The following ARHGAP29 variants were observed in gnomAD, a reference collection of about 807,000 sequenced individuals.
ARHGAP29 encodes rho GTPase-activating protein 29.
In ARHGAP29, 43 loss-of-function variants were observed where a neutral mutation model predicts 122.6. The ratio of observed to expected loss-of-function variants is 0.35; its 90% CI spans 0.27 to 0.45. The LOEUF (loss-of-function observed/expected upper bound fraction) is 0.45, where lower values mean the gene tolerates loss of function less well. ARHGAP29 is among the 20% of genes least tolerant of loss of function. The pLI, the probability that ARHGAP29 is intolerant of heterozygous loss-of-function variation, is 1.00. For missense variants in ARHGAP29, 1,303 were observed against 1,477.2 expected (o/e 0.88, Z 1.93); for synonymous variants, 506 against 497.1 (o/e 1.02, Z -0.24).
At chr1:94,308,337 G>T in the ARHGAP29 span, among the ~76,000 whole-genome samples, 1 of 152,136 alleles carries the variant, frequency 6.6e-6, no homozygotes, top group Non-Finnish European at 1.5e-5. Flanking sequence ...CCCATCCGCT[G>T]CTTCAGAGAC....
At chr1:94,205,606 T>C (rs1651141683) in intron 6 of ARHGAP29, 29 bp downstream of exon 6, 2 of 1,598,310 alleles carry the variant, frequency 1.3e-6, no homozygotes, top group East Asian at 4.5e-5. Flanking sequence ...AAGAAGTTTG[T>C]GAAAAGTTAT....
chr1:94,176,240 C>T (rs1649083242), intron 22 of ARHGAP29, among the ~76,000 whole-genome samples: 1 of 152,220 alleles, frequency 6.6e-6, no homozygotes, highest in Non-Finnish European at 1.5e-5. Context: ...TATGTGTCTT[C>T]ATCTGCGAAA....
chr1:94,262,617 G>T (rs565965475), intron 1 of ARHGAP29, among the ~76,000 whole-genome samples: 1 of 152,190 alleles, frequency 6.6e-6, no homozygotes, highest in South Asian at 2.1e-4. Flanking sequence ...TTCAGAAAAA[G>T]ATATACATGC....
At chr1:94,280,283 C>T in the ARHGAP29 span, among the ~76,000 whole-genome samples, 1 of 152,152 alleles carries the variant, frequency 6.6e-6, no homozygotes, top group East Asian at 1.9e-4. Flanking sequence ...TAACAGTTCA[C>T]TCACTTTTCA....
At chr1:94,180,680 C>G (rs1210571013) in intron 19 of ARHGAP29, among the ~76,000 whole-genome samples, 1 of 152,170 alleles carries the variant, frequency 6.6e-6, no homozygotes, top group Non-Finnish European at 1.5e-5. Flanking sequence ...TCTACCTACA[C>G]CACTCTGGGA....
chr1:94,264,468 G>C (rs931378988), intron 1 of ARHGAP29, among the ~76,000 whole-genome samples: 1 of 152,060 alleles, frequency 6.6e-6, no homozygotes, highest in African/African-American at 2.4e-5. Flanking sequence ...TGAAACCTAA[G>C]ACACAGATGC....
At chr1:94,231,095 C>T (rs1380476571) in intron 2 of ARHGAP29, among the ~76,000 whole-genome samples, 1 of 151,982 alleles carries the variant, frequency 6.6e-6, no homozygotes, top group Admixed American at 6.6e-5. Flanking sequence ...CACTGTGTTA[C>T]CATTAACAGA....
In ARHGAP29 at chr1:94,213,439, G is replaced by C. The variant is rs1045379422; in HGVS notation, c.341-4089C>G. ...CCTCGTGATCTGCCCGCCTCGGCCT[G>C]CCAAAGTGCTGGGATTACAGGCGTG... On this transcript the variant is annotated intron_variant, in intron 3 of 22. Coordinates refer to ENST00000260526, the MANE Select transcript of ARHGAP29 (RefSeq NM_004815.4). 4.6e-5 allele frequency among the ~76,000 whole-genome samples: 7 copies of C among 152,184 alleles called. No homozygotes were observed. The East Asian group carries it at 1.2e-3, about 25-fold the overall frequency.
chr1:94,184,064 A>T, intron 19 of ARHGAP29, 87 bp downstream of exon 19: 1 of 1,432,496 alleles, frequency 7.0e-7, no homozygotes, highest in Non-Finnish European at 9.7e-7. Flanking sequence ...ATGAAAAAAC[A>T]TGTGTAGCAA....
chr1:94,183,145 T>A (rs980359817), intron 19 of ARHGAP29, among the ~76,000 whole-genome samples: 1 of 152,178 alleles, frequency 6.6e-6, no homozygotes, highest in Admixed American at 6.5e-5. Context: ...ATTATATGTA[T>A]CAAAACATCA....
In ARHGAP29 at chr1:94,237,464, C is replaced by T. The variant is rs1244561846; in HGVS notation, c.-82G>A. The T allele has an allele frequency of 6.1e-6, 6 of 987,618 alleles. No individual in the cohort carries two copies. The highest frequency in any genetic ancestry group is 2.3e-4 in the East Asian group (2 of 8,848). 61.2% of individuals were successfully genotyped at this position (987,618 alleles called of 1,614,324 possible). On this transcript the variant is annotated 5_prime_UTR_variant, in exon 1 of 23. Coordinates refer to ENST00000260526, the MANE Select transcript of ARHGAP29 (RefSeq NM_004815.4). Reference sequence around the variant, plus strand: ...GACGCGGACGCCCGCCCCACACCTACGGCCGCCGCCACCGCCGAGGGCTGG... The same window carrying T: ...GACGCGGACGCCCGCCCCACACCTATGGCCGCCGCCACCGCCGAGGGCTGG...
Position 94,220,320 on chromosome 1 carries a change from T to C in ARHGAP29, c.278A>G (p.His93Arg), listed in dbSNP as rs1323018743. The C allele has an allele frequency of 6.2e-7, 1 of 1,613,640 alleles. No individual in the cohort carries two copies. The highest frequency in any genetic ancestry group is 1.1e-5 in the South Asian group (1 of 91,070). ...LRVLKSIMNK[H>R]QNLNSVDLQN... ...AAGATCAACAGAATTGAGGTTCTGA[T>C]GTTTATTCATTATAGACTTTAAAAC... The change falls in exon 3 of 23, where the codon CAT (histidine) becomes CGT (arginine). Residue 93 changes from histidine (H) to arginine (R), a missense_variant. Coordinates refer to ENST00000260526, the MANE Select transcript of ARHGAP29 (RefSeq NM_004815.4).
chr1:94,199,884 T>C (rs922189495), intron 12 of ARHGAP29, among the ~76,000 whole-genome samples: 1 of 152,202 alleles, frequency 6.6e-6, no homozygotes, highest in Non-Finnish European at 1.5e-5. Flanking sequence ...CACTGACCTT[T>C]CTGTGTCACT....
the ARHGAP29 span, among the ~76,000 whole-genome samples, chr1:94,299,422 T>C: frequency 2.6e-5 from 4 of 152,222 alleles, no homozygotes; most frequent in Non-Finnish European, 4.4e-5. Context: ...TAGTGGATTA[T>C]GTGAGTGGCA....
At chr1:94,290,516 G>T in the ARHGAP29 span, among the ~76,000 whole-genome samples, 1 of 152,008 alleles carries the variant, frequency 6.6e-6, no homozygotes, top group African/African-American at 2.4e-5. Context: ...TGTGATGTTA[G>T]GGCATCAATT....
intron 1 of ARHGAP29, among the ~76,000 whole-genome samples, chr1:94,247,488 C>T (rs892157685): frequency 1.3e-5 from 2 of 151,490 alleles, no homozygotes; most frequent in African/African-American, 4.8e-5. Flanking sequence ...CGGCAACTAG[C>T]CGGCGCCCGC....
At chr1:94,196,030 T>C (rs1650430301) in intron 12 of ARHGAP29, 1 of 152,116 alleles carries the variant, frequency 6.6e-6, no homozygotes, top group Non-Finnish European at 1.5e-5. Flanking sequence ...CACAATATGT[T>C]GGAGACTTCA....
intron 12 of ARHGAP29, among the ~76,000 whole-genome samples, chr1:94,197,773 A>AAAAT (rs1321640669): frequency 6.6e-6 from 1 of 152,218 alleles, no homozygotes; most frequent in African/African-American, 2.4e-5. Context: ...ATAATGCAGA[A>AAAAT]AAATATTTGA....
At chr1:94,211,072 C>A (rs1651571238) in intron 3 of ARHGAP29, among the ~76,000 whole-genome samples, 1 of 151,712 alleles carries the variant, frequency 6.6e-6, no homozygotes, top group African/African-American at 2.4e-5. Context: ...ATTGTCTGAG[C>A]TCAGAAGTTC....
Sources: gnomAD v4.1 joint callset for allele counts (sites outside exome capture counted in the v4.1 genomes callset) on GRCh38, gnomAD v4.1.1 for gene constraint, MANE v1.5 for transcripts, NCBI Gene and HGNC (gene_info 2026-07-23, HGNC 2026-07-21) for gene names.